The following RBPJ variants were observed in gnomAD, a reference collection of about 807,000 sequenced individuals.
RBPJ encodes recombination signal binding protein for immunoglobulin kappa J region.
RBPJ carries 9 observed loss-of-function variants against 67.8 expected under a neutral mutation model. That is an observed-to-expected ratio of 0.13 (90% confidence interval 0.08 to 0.23). The LOEUF is 0.23. RBPJ is among the 10% of genes least tolerant of loss of function. The pLI, the probability that RBPJ is intolerant of heterozygous loss-of-function variation, is 1.00. For missense variants in RBPJ, 305 were observed against 595.6 expected (o/e 0.51, Z 5.08); for synonymous variants, 198 against 203.3 (o/e 0.97, Z 0.22).
At chr4:26,255,267 G>C (rs564265519) in intron 1 of RBPJ, among the ~76,000 whole-genome samples, 1,742 of 134,388 alleles carry the variant, frequency 0.013, 17 homozygotes, top group African/African-American at 0.051. Context: ...AGCCGGGCGT[G>C]GTGGCGGGCG....
At chr4:26,135,741 C>T in the RBPJ span, among the ~76,000 whole-genome samples, 25 of 152,294 alleles carry the variant, frequency 1.6e-4, no homozygotes, top group South Asian at 4.1e-4. Context: ...TTGACCATCA[C>T]GCGCTGAACT....
At chr4:26,412,905 A>G (rs1259806021) in intron 3 of RBPJ, 1 of 152,222 alleles carries the variant, frequency 6.6e-6, no homozygotes. Flanking sequence ...TAGCCCAGCT[A>G]ATCCAGGCTT....
At chr4:26,134,863 C>T in the RBPJ span, among the ~76,000 whole-genome samples, 1 of 152,166 alleles carries the variant, frequency 6.6e-6, no homozygotes, top group Non-Finnish European at 1.5e-5. Context: ...GGAGCTTTGA[C>T]ATTTGGGATC....
intron 1 of RBPJ, among the ~76,000 whole-genome samples, chr4:26,259,639 C>T (rs1720462744): frequency 6.6e-6 from 1 of 152,188 alleles, no homozygotes; most frequent in African/African-American, 2.4e-5. Flanking sequence ...TTGTGCCACT[C>T]AGACAGTGGA....
chr4:26,371,355 A>G (rs1464731264), intron 1 of RBPJ, among the ~76,000 whole-genome samples: 2 of 152,206 alleles, frequency 1.3e-5, no homozygotes, highest in Non-Finnish European at 2.9e-5. Flanking sequence ...TGTATTTGAG[A>G]ACTCAATATT....
chr4:26,114,973 T>G, the RBPJ span, among the ~76,000 whole-genome samples: 2 of 152,210 alleles, frequency 1.3e-5, no homozygotes, highest in African/African-American at 4.8e-5. Flanking sequence ...CACTATGATC[T>G]TTGTTGTTTA....
chr4:26,362,671 G>T, intron 1 of RBPJ: 3 of 1,489,494 alleles, frequency 2.0e-6, no homozygotes, highest in South Asian at 1.1e-5. Context: ...GTCATGGATA[G>T]AATGAACACT....
chr4:26,198,143 A>C (rs1430925686), intron 1 of RBPJ, among the ~76,000 whole-genome samples: 1 of 151,962 alleles, frequency 6.6e-6, no homozygotes, highest in Non-Finnish European at 1.5e-5. Flanking sequence ...AATCCCAGCT[A>C]CTCGGGAGGC....
At chr4:26,157,094 C>CAAAAAAAAAAAAA in the RBPJ span, among the ~76,000 whole-genome samples, 1 of 27,476 alleles carries the variant, frequency 3.6e-5, no homozygotes, top group Non-Finnish European at 8.6e-5. Flanking sequence ...AACAAACAAA[C>CAAAAAAAAAAAAA]AAACAAAAAC....
At chr4:26,339,515 T>C (rs111787973) in intron 1 of RBPJ, among the ~76,000 whole-genome samples, 2,131 of 152,044 alleles carry the variant, frequency 0.014, 61 homozygotes, top group African/African-American at 0.048. Flanking sequence ...CCGCCTGTAA[T>C]CCCAGTTACT....
chr4:26,196,883 T>C (rs749657666), intron 1 of RBPJ, among the ~76,000 whole-genome samples: 3 of 152,202 alleles, frequency 2.0e-5, no homozygotes, highest in Non-Finnish European at 2.9e-5. Flanking sequence ...TCATGGAGGC[T>C]TCTTCTTCCT....
At chr4:26,297,475 C>T (rs1721918511) in intron 1 of RBPJ, among the ~76,000 whole-genome samples, 1 of 151,918 alleles carries the variant, frequency 6.6e-6, no homozygotes, top group East Asian at 1.9e-4. Context: ...CTGAGAATGT[C>T]GATGGAAGAT....
At chr4:26,319,689 G>A, upstream of RBPJ, 1 of 679,864 alleles carries the variant, frequency 1.5e-6, no homozygotes, top group Non-Finnish European at 2.7e-6. Flanking sequence ...AGGAGGTGTA[G>A]CGTGAGACTG....
At chr4:26,234,146 T>A (rs2109209116) in intron 1 of RBPJ, among the ~76,000 whole-genome samples, 1 of 152,362 alleles carries the variant, frequency 6.6e-6, no homozygotes, top group South Asian at 2.1e-4. Context: ...ACCCAGAATG[T>A]TGGATAGTAC....
intron 1 of RBPJ, among the ~76,000 whole-genome samples, chr4:26,188,524 A>G (rs1415544821): frequency 2.0e-5 from 3 of 152,240 alleles, no homozygotes; most frequent in Admixed American, 6.5e-5. Flanking sequence ...CTGTCACAGA[A>G]CAAGTTGAGA....
At chr4:26,149,865 G>A in the RBPJ span, among the ~76,000 whole-genome samples, 83 of 152,208 alleles carry the variant, frequency 5.5e-4, no homozygotes, top group African/African-American at 1.6e-3. Context: ...CTTTCTTCCC[G>A]ACTTTTCCTC....
intron 4 of RBPJ, among the ~76,000 whole-genome samples, chr4:26,416,724 T>C (rs1361040177): frequency 2.6e-5 from 4 of 152,224 alleles, no homozygotes; most frequent in Non-Finnish European, 5.9e-5. Context: ...TTTGCTATGT[T>C]GTAGTTGGCA....
intron 1 of RBPJ, among the ~76,000 whole-genome samples, chr4:26,183,757 C>T (rs1181298415): frequency 1.3e-5 from 2 of 152,188 alleles, no homozygotes; most frequent in Non-Finnish European, 2.9e-5. Context: ...CGCCTGTAAT[C>T]CCAGCACTTT....
At chr4:26,428,986 A>G (rs1735951302) in intron 8 of RBPJ, 126 bp downstream of exon 8, 2 of 682,176 alleles carry the variant, frequency 2.9e-6, no homozygotes, top group Non-Finnish European at 5.0e-6. Context: ...ACAGATATTT[A>G]TCTCAGGTAT....
Sources: allele counts gnomAD v4.1 joint callset (sites outside exome capture counted in the v4.1 genomes callset), GRCh38; gene constraint gnomAD v4.1.1; transcripts MANE v1.5; gene names NCBI Gene and HGNC (gene_info 2026-07-23, HGNC 2026-07-21).